The following LRSAM1 variants were observed in gnomAD, a reference collection of about 807,000 sequenced individuals.
LRSAM1 encodes the protein leucine rich repeat and sterile alpha motif containing 1.
Under a neutral mutation model 118.1 loss-of-function variants are expected in LRSAM1, and 96 were observed. The ratio of observed to expected loss-of-function variants is 0.81; its 90% CI spans 0.69 to 0.96. The LOEUF is 0.96. Among genes scored for constraint, LRSAM1 ranks in the 40% least tolerant of loss-of-function variants. The pLI, the probability that LRSAM1 is intolerant of heterozygous loss-of-function variation, is 0.00. For synonymous variants in LRSAM1, 322 were observed against 364.2 expected (o/e 0.88, Z 1.32); for missense variants, 804 against 915.5 (o/e 0.88, Z 1.57).
In LRSAM1 at chr9:127,502,957, G is replaced by T; in HGVS notation, c.*58G>T. 3.2e-6 allele frequency: 5 copies of T among 1,551,518 alleles called. No homozygotes were observed. The highest frequency in any genetic ancestry group is 3.5e-6 in the Non-Finnish European group (4 of 1,149,240). The stretch of plus-strand genomic sequence containing the variant: ...CCTGCCTCGGCCACTGTGAGCCCCG[G>T]GCTCCTGCTCAGCCTTGTGCCAGCC... On this transcript the variant is annotated 3_prime_UTR_variant, in exon 26 of 26. Coordinates refer to ENST00000300417, the MANE Select transcript of LRSAM1 (RefSeq NM_001005373.4).
chr9:127,460,872 T>TTTTTTTTC (rs1554754272), intron 7 of LRSAM1, among the ~76,000 whole-genome samples: 1 of 141,568 alleles, frequency 7.1e-6, no homozygotes, highest in African/African-American at 2.8e-5. Context: ...TTTTTTTTTT[T>TTTTTTTTC]TGAGACGGAG....
chr9:127,480,760 T>A (rs952413878), intron 14 of LRSAM1, among the ~76,000 whole-genome samples: 3 of 152,228 alleles, frequency 2.0e-5, no homozygotes, highest in African/African-American at 7.2e-5. Flanking sequence ...TGCTCTCGGC[T>A]CACTGCAACC....
intron 16 of LRSAM1, among the ~76,000 whole-genome samples, chr9:127,484,796 A>C: frequency 9.3e-6 from 1 of 107,520 alleles, no homozygotes; most frequent in Middle Eastern, 6.0e-3. Flanking sequence ...TAATTTTTTG[A>C]TTTTTCTTTT....
chr9:127,491,988 A>G (rs549882753), intron 20 of LRSAM1, among the ~76,000 whole-genome samples: 1 of 152,312 alleles, frequency 6.6e-6, no homozygotes, highest in African/African-American at 2.4e-5. Context: ...GAGTTTGAGC[A>G]GAGCCTTCGG....
rs756880678 is a variant in LRSAM1 at position 127,501,009 on chromosome 9, G to A, written c.1913-1G>A. The A allele has an allele frequency of 1.8e-5, 29 of 1,613,856 alleles. No homozygotes were observed. The highest frequency in any genetic ancestry group is 2.4e-5 in the Non-Finnish European group (28 of 1,180,028). On this transcript the variant is annotated splice_acceptor_variant, in intron 24 of 25. Transcript: ENST00000300417. LOFTEE classifies it high-confidence loss of function. The stretch of plus-strand genomic sequence containing the variant: ...TCAGTCTGTCTGTCTGGTCCCCACA[G>A]AGCTGAAACCACCAATGGGTGAGGT...
chr9:127,462,479 C>G (rs1834785562), intron 9 of LRSAM1, 106 bp downstream of exon 9: 1 of 1,564,726 alleles, frequency 6.4e-7, no homozygotes, highest in Non-Finnish European at 8.8e-7. Flanking sequence ...CAGGGCCACA[C>G]AGAGATCCCA....
At chr9:127,479,025 T>C in intron 12 of LRSAM1, 62 bp downstream of exon 12, 1 of 1,530,972 alleles carries the variant, frequency 6.5e-7, no homozygotes, top group Non-Finnish European at 9.1e-7. Flanking sequence ...ACTCAACTCA[T>C]AAAATATTTG....
In LRSAM1 at chr9:127,455,409, A is replaced by G. The variant is rs559309350; in HGVS notation, c.130-167A>G. On this transcript the variant is annotated intron_variant, in intron 4 of 25. Coordinates refer to ENST00000300417, the MANE Select transcript of LRSAM1 (RefSeq NM_001005373.4). ...CGAGGGAAGGGCTGGCCACATCCCCAACACCACTGCTTGCCAGCCTTGCCC... is the reference window on the plus strand; with the variant it reads ...CGAGGGAAGGGCTGGCCACATCCCCGACACCACTGCTTGCCAGCCTTGCCC... Among the ~76,000 whole-genome samples, 22 of 152,326 alleles carry G rather than the reference A, an allele frequency of 1.4e-4. No individual in the cohort carries two copies. In the East Asian group the frequency reaches 4.1e-3, roughly 28 times the overall value.
chr9:127,492,554 A>G (rs1016652349), intron 20 of LRSAM1, among the ~76,000 whole-genome samples: 1 of 152,112 alleles, frequency 6.6e-6, no homozygotes, highest in Non-Finnish European at 1.5e-5. Flanking sequence ...CTTTTGTTTG[A>G]TGTTTCTTAC....
intron 7 of LRSAM1, among the ~76,000 whole-genome samples, 193 bp from the exon 8 acceptor site, chr9:127,460,980 C>T (rs778365076): frequency 5.9e-5 from 9 of 151,338 alleles, no homozygotes; most frequent in East Asian, 3.9e-4. Flanking sequence ...CTCAGCCTCC[C>T]GAGTAGCTGG....
At chr9:127,481,914 G>T (rs1835552631) in intron 15 of LRSAM1, among the ~76,000 whole-genome samples, 1 of 151,418 alleles carries the variant, frequency 6.6e-6, no homozygotes, top group South Asian at 2.1e-4. Flanking sequence ...ACTTAGCCAG[G>T]AGTGGTGGCA....
At chr9:127,488,676 C>T (rs1437725829) in intron 18 of LRSAM1, among the ~76,000 whole-genome samples, 1 of 151,510 alleles carries the variant, frequency 6.6e-6, no homozygotes, top group Non-Finnish European at 1.5e-5. Flanking sequence ...TCACTGCAGC[C>T]TCAAACTCCT....
intron 23 of LRSAM1, 28 bp downstream of exon 23, chr9:127,496,123 G>T: frequency 1.2e-6 from 2 of 1,604,222 alleles, no homozygotes; most frequent in Non-Finnish European, 8.5e-7. Flanking sequence ...GCATGGAGGG[G>T]AGGGGCACGC....
intron 24 of LRSAM1, among the ~76,000 whole-genome samples, chr9:127,498,127 G>A (rs777871553): frequency 3.3e-5 from 5 of 152,210 alleles, no homozygotes; most frequent in Non-Finnish European, 7.3e-5. Context: ...AGCCAAGGAA[G>A]AAGCGGAGGA....
At chr9:127,458,640 G>C (rs1324584722) in intron 6 of LRSAM1, among the ~76,000 whole-genome samples, 1 of 151,976 alleles carries the variant, frequency 6.6e-6, no homozygotes, top group African/African-American at 2.4e-5. Flanking sequence ...TAAGCAAAGG[G>C]GGAAACATCT....
intron 15 of LRSAM1, 47 bp from the exon 16 acceptor site, chr9:127,482,903 G>T (rs1043644782): frequency 3.9e-5 from 60 of 1,529,966 alleles, no homozygotes; most frequent in Non-Finnish European, 5.0e-5. Flanking sequence ...GGGATTCCCT[G>T]TTGGAAATGT....
intron 24 of LRSAM1, 107 bp downstream of exon 24, chr9:127,497,441 T>C (rs1270389257): frequency 1.8e-6 from 2 of 1,116,626 alleles, no homozygotes; most frequent in East Asian, 2.5e-5. Flanking sequence ...TGAGGGCTGG[T>C]TCTAGCCTCT....
chr9:127,494,634 G>A (rs1400691401), intron 21 of LRSAM1, among the ~76,000 whole-genome samples: 5 of 152,192 alleles, frequency 3.3e-5, no homozygotes, highest in African/African-American at 9.6e-5. Context: ...AAGAGTTATC[G>A]AATGGCAGAA....
At chr9:127,471,350 A>G (rs1316236219) in intron 10 of LRSAM1, among the ~76,000 whole-genome samples, 1 of 151,538 alleles carries the variant, frequency 6.6e-6, no homozygotes, top group Non-Finnish European at 1.5e-5. Flanking sequence ...GCACACCTGT[A>G]GTGCCAGCTG....
Sources: allele counts gnomAD v4.1 joint callset (sites outside exome capture counted in the v4.1 genomes callset), GRCh38; gene constraint gnomAD v4.1.1; transcripts MANE v1.5; gene names NCBI Gene and HGNC (gene_info 2026-07-23, HGNC 2026-07-21).